C20orf203: variants seen among roughly 807,000 people sequenced by gnomAD.
The protein encoded by C20orf203 is uncharacterized protein C20orf203.
In C20orf203, 16 loss-of-function variants were observed where a neutral mutation model predicts 15.9. The ratio of observed to expected loss-of-function variants is 1.01; its 90% confidence interval spans 0.68 to 1.53. C20orf203 has a LOEUF of 1.53. Among genes scored for constraint, C20orf203 ranks in the 40% most tolerant of loss-of-function variants. The probability of loss-of-function intolerance (pLI) is 0.00; values close to 1 mark genes in which losing one functional copy is unlikely to be tolerated. For missense variants in C20orf203, 263 were observed against 247.5 expected (o/e 1.06, Z -0.42); for synonymous variants, 98 against 97.2 (o/e 1.01, Z -0.05).
In C20orf203 at chr20:32,651,168, TAAAAAAAAAAAAA is replaced by T. The variant is rs11313159; in HGVS notation, c.-14-15_-14-3del. ...TAGGAAACATAGGAGACCCTCTCTC[TAAAAAAAAAAAAA>T]AAAAAAAAAAAATTAGCTGGGTGTG... On this transcript the variant is annotated splice_polypyrimidine_tract_variant and splice_region_variant and intron_variant, in intron 2 of 5. Transcript: ENST00000608990. The T allele has an allele frequency of 8.2e-4, 244 of 297,438 alleles. 1 individual carries two copies. The highest frequency in any genetic ancestry group is 8.1e-3 in the African/African-American group (221 of 27,356). The allele number at this position is 297,438 out of a possible 1,614,324, so 18.4% of individuals were successfully genotyped here. A position where few individuals can be genotyped will look rare whatever the true frequency, so the allele number is the denominator to read the frequency against.
chr20:32,666,466 C>CAA (rs754260668), intron 1 of C20orf203, among the ~76,000 whole-genome samples: 7 of 101,030 alleles, frequency 6.9e-5, no homozygotes, highest in African/African-American at 6.9e-5. Flanking sequence ...GACTCTGTCT[C>CAA]AAAAAAAAAA....
At chr20:32,673,098 C>G (rs1983211509) in intron 1 of C20orf203, among the ~76,000 whole-genome samples, 1 of 152,116 alleles carries the variant, frequency 6.6e-6, no homozygotes, top group African/African-American at 2.4e-5. Context: ...TCTCTGTGTC[C>G]CACCTCACAC....
At chr20:32,656,534 T>C (rs1355469036) in intron 1 of C20orf203, 3 of 152,186 alleles carry the variant, frequency 2.0e-5, no homozygotes, top group Non-Finnish European at 2.9e-5. Flanking sequence ...AAAAGGTATA[T>C]ACCCAAGAGA....
intron 4 of C20orf203, among the ~76,000 whole-genome samples, chr20:32,644,093 C>G: frequency 6.6e-6 from 1 of 152,200 alleles, no homozygotes; most frequent in East Asian, 1.9e-4. Flanking sequence ...TACCCCAAAC[C>G]AGACAGAATA....
intron 1 of C20orf203, among the ~76,000 whole-genome samples, chr20:32,659,587 T>C (rs938226116): frequency 7.2e-5 from 11 of 152,238 alleles, no homozygotes; most frequent in Non-Finnish European, 1.6e-4. Flanking sequence ...CAGCAGCCAC[T>C]ATCTTTGAGA....
intron 5 of C20orf203, among the ~76,000 whole-genome samples, chr20:32,635,242 G>A (rs957940930): frequency 6.6e-6 from 1 of 152,116 alleles, no homozygotes; most frequent in Non-Finnish European, 1.5e-5. Flanking sequence ...GCTCATGCCT[G>A]TAATCCCAAC....
intron 1 of C20orf203, among the ~76,000 whole-genome samples, chr20:32,664,594 C>T (rs978794240): frequency 2.6e-5 from 4 of 152,198 alleles, no homozygotes; most frequent in African/African-American, 9.6e-5. Flanking sequence ...CTGGTGGTAT[C>T]TCCCCCTCCT....
chr20:32,649,750 G>A lies in C20orf203; in HGVS notation c.*682C>T, dbSNP rs1982550540. 1.3e-5 allele frequency: 2 copies of A among 152,366 alleles called. No individual in the cohort carries two copies. 9.4% of individuals were successfully genotyped at this position (152,366 alleles called of 1,614,324 possible). ...CCCGGCCCTGCACAGAATGACACAG[G>A]GGCTCTGTTCCGAGGGCCCTCAGCC... On this transcript the variant is annotated 3_prime_UTR_variant, in exon 4 of 6. Transcript: ENST00000608990.
chr20:32,644,720 A>G (rs557671281), intron 4 of C20orf203, among the ~76,000 whole-genome samples: 1 of 152,130 alleles, frequency 6.6e-6, no homozygotes, highest in African/African-American at 2.4e-5. Context: ...TGGCCTCTTG[A>G]ACACAGGACA....
Position 32,633,493 on chromosome 20 carries a change from T to C in C20orf203, c.*2077A>G, listed in dbSNP as rs535406427. 2.6e-5 allele frequency: 4 copies of C among 152,394 alleles called. No individual in the cohort carries two copies. Among genetic ancestry groups the C allele is most frequent in the Non-Finnish European group, 5.9e-5 (4 of 68,070 alleles). 9.4% of individuals were successfully genotyped at this position (152,394 alleles called of 1,614,324 possible). On this transcript the variant is annotated 3_prime_UTR_variant, in exon 6 of 6. Transcript: ENST00000608990. ...TGGGGTCAGATCTCAGCAGCAGGGC[T>C]TGGCTGTGTGACCACTGTGGTCAGC...
chr20:32,635,705 G>A (rs1600924017), intron 5 of C20orf203, among the ~76,000 whole-genome samples: 1 of 152,244 alleles, frequency 6.6e-6, no homozygotes, highest in East Asian at 1.9e-4. Context: ...CAGCTACTCG[G>A]GAGGCTGAGG....
At chr20:32,643,079 C>T (rs565240986) in intron 4 of C20orf203, among the ~76,000 whole-genome samples, 1 of 152,114 alleles carries the variant, frequency 6.6e-6, no homozygotes, top group Non-Finnish European at 1.5e-5. Flanking sequence ...TGAGACCAGC[C>T]GCCGCATGAA....
chr20:32,667,837 A>AT (rs564397754), intron 1 of C20orf203, among the ~76,000 whole-genome samples: 145 of 151,996 alleles, frequency 9.5e-4, no homozygotes, highest in African/African-American at 3.3e-3. Context: ...CACCCAGCTA[A>AT]TTTTTTCTAT....
intron 1 of C20orf203, among the ~76,000 whole-genome samples, chr20:32,670,703 G>A (rs1983143855): frequency 2.0e-5 from 3 of 151,322 alleles, no homozygotes; most frequent in Non-Finnish European, 4.4e-5. Flanking sequence ...GTAGTGGTGG[G>A]CACCTGTAAT....
chr20:32,672,450 G>A (rs1373919429), intron 1 of C20orf203, among the ~76,000 whole-genome samples: 6 of 151,994 alleles, frequency 3.9e-5, no homozygotes, highest in Non-Finnish European at 8.8e-5. Context: ...GCGCATGCCT[G>A]TAGTCCTAGC....
At chr20:32,662,606 T>C (rs1395884611) in intron 1 of C20orf203, among the ~76,000 whole-genome samples, 1 of 150,650 alleles carries the variant, frequency 6.6e-6, no homozygotes, top group East Asian at 2.0e-4. Context: ...TCAAAAAAAT[T>C]AACAAACAAA....
chr20:32,651,250 C>T (rs1192502551), intron 2 of C20orf203, 84 bp from the exon 3 acceptor site: 1 of 439,932 alleles, frequency 2.3e-6, no homozygotes, highest in Non-Finnish European at 4.0e-6. Flanking sequence ...GGTAGCTACT[C>T]AAGTGGGAGG....
intron 4 of C20orf203, among the ~76,000 whole-genome samples, chr20:32,645,408 C>T (rs780882965): frequency 9.9e-5 from 15 of 152,170 alleles, no homozygotes; most frequent in Non-Finnish European, 2.1e-4. Flanking sequence ...GAGGGGGGCC[C>T]ATCATACAAA....
At chr20:32,657,679 G>C (rs372302336) in intron 1 of C20orf203, 2 of 152,200 alleles carry the variant, frequency 1.3e-5, no homozygotes, top group African/African-American at 4.8e-5. Flanking sequence ...AAGCCTGTAG[G>C]CTGGGCAAGG....
Sources: gnomAD v4.1 joint callset for allele counts (sites outside exome capture counted in the v4.1 genomes callset) on GRCh38, gnomAD v4.1.1 for gene constraint, MANE v1.5 for transcripts, NCBI Gene and HGNC (gene_info 2026-07-23, HGNC 2026-07-21) for gene names.